WDR64: variants seen among roughly 807,000 people sequenced by gnomAD.
The protein encoded by WDR64 is WD repeat-containing protein 64.
In WDR64, 112 loss-of-function variants were observed where a neutral mutation model predicts 139.3. The ratio of observed to expected loss-of-function variants is 0.80; its 90% CI spans 0.69 to 0.94. WDR64 has a LOEUF of 0.94. Ranked by LOEUF, WDR64 falls within the 40% of genes least tolerant of loss-of-function variation. WDR64 has a pLI of 0.00. For missense variants in WDR64, 1,206 were observed against 1,293.1 expected, an observed-to-expected ratio of 0.93 and a Z score of 1.03; for synonymous variants, 444 against 437.7, an observed-to-expected ratio of 1.01 and a Z score of -0.18.
At chr1:241,728,034 G>A (rs748136516) in intron 10 of WDR64, among the ~76,000 whole-genome samples, 2 of 151,096 alleles carry the variant, frequency 1.3e-5, no homozygotes, top group Admixed American at 1.3e-4. Context: ...AATTTAGGCA[G>A]AAAGAAGAGC....
intron 22 of WDR64, among the ~76,000 whole-genome samples, chr1:241,780,501 T>C (rs139054604): frequency 6.6e-5 from 10 of 152,332 alleles, no homozygotes; most frequent in African/African-American, 2.4e-4. Context: ...AAGCACATTT[T>C]ATTCTATTTT....
chr1:241,652,737 G>A, intron 1 of WDR64, 108 bp downstream of exon 1: 2 of 1,331,128 alleles, frequency 1.5e-6, no homozygotes, highest in Non-Finnish European at 1.0e-6. Context: ...AAGAATGGGT[G>A]CTGAAAGGGG....
chr1:241,673,956 G>A, intron 3 of WDR64, among the ~76,000 whole-genome samples: 1 of 152,034 alleles, frequency 6.6e-6, no homozygotes, highest in East Asian at 1.9e-4. Context: ...TCAAAGAAAG[G>A]AGTCCTAAAA....
At chr1:241,796,713 C>T (rs1331008213) in intron 27 of WDR64, among the ~76,000 whole-genome samples, 1 of 152,088 alleles carries the variant, frequency 6.6e-6, no homozygotes, top group African/African-American at 2.4e-5. Context: ...AGGCTGGTCT[C>T]GAACTCCTGA....
chr1:241,684,037 G>A (rs912105098), intron 7 of WDR64, among the ~76,000 whole-genome samples: 1 of 151,996 alleles, frequency 6.6e-6, no homozygotes, highest in Admixed American at 6.6e-5. Context: ...AACTATAAAA[G>A]ATACATGTGA....
chr1:241,789,212 G>C (rs945782480), intron 24 of WDR64, among the ~76,000 whole-genome samples: 3 of 152,108 alleles, frequency 2.0e-5, no homozygotes, highest in African/African-American at 7.2e-5. Flanking sequence ...CAGCTTTAGC[G>C]TAGGACACGT....
chr1:241,695,921 C>G (rs1409226089), intron 8 of WDR64, among the ~76,000 whole-genome samples: 1 of 151,708 alleles, frequency 6.6e-6, no homozygotes, highest in East Asian at 1.9e-4. Context: ...CAAGACCAGC[C>G]TGGGCAACAT....
At chr1:241,771,818 A>G in intron 19 of WDR64, 121 bp downstream of exon 19, 1 of 369,428 alleles carries the variant, frequency 2.7e-6, no homozygotes, top group Non-Finnish European at 4.4e-6. Context: ...CATTATATAT[A>G]TTCATATACA....
intron 11 of WDR64, 87 bp downstream of exon 11, chr1:241,738,576 G>C: frequency 1.5e-6 from 2 of 1,377,504 alleles, no homozygotes; most frequent in Non-Finnish European, 1.9e-6. Context: ...TAACTACAAG[G>C]AAAACAAAAC....
intron 23 of WDR64, among the ~76,000 whole-genome samples, chr1:241,786,573 A>G (rs1434481590): frequency 6.6e-6 from 1 of 152,174 alleles, no homozygotes; most frequent in Non-Finnish European, 1.5e-5. Flanking sequence ...TTCAGAACTC[A>G]GTTGTAAAAA....
Position 241,741,758 on chromosome 1 carries a change from A to G in WDR64, c.1470+94A>G. ...AATCATTGAGTGATTAAGCAAATGT[A>G]GCGGCACATACGATGAGACCATACA... is the stretch of plus-strand genomic sequence containing the variant. On this transcript the variant is annotated intron_variant, in intron 12 of 27. Transcript: ENST00000437684. 2.4e-6 allele frequency: 3 copies of G among 1,272,916 alleles called. No homozygotes were observed. In the South Asian group the frequency reaches 4.8e-5, roughly 21 times the overall value. 78.9% of individuals were successfully genotyped at this position (1,272,916 alleles called of 1,614,324 possible). A position where few individuals can be genotyped will look rare whatever the true frequency, so the allele number is the denominator to read the frequency against.
chr1:241,683,753 C>A, intron 7 of WDR64, 52 bp downstream of exon 7: 5 of 1,345,618 alleles, frequency 3.7e-6, no homozygotes, highest in South Asian at 1.7e-5. Context: ...TAGTCTTTTG[C>A]AAGTAAGCTT....
intron 10 of WDR64, among the ~76,000 whole-genome samples, chr1:241,734,788 G>GTA (rs1252772766): frequency 6.6e-6 from 1 of 151,964 alleles, no homozygotes; most frequent in Non-Finnish European, 1.5e-5. Flanking sequence ...GCATAACCAC[G>GTA]TTTCTGTCAA....
chr1:241,708,150 G>A (rs1042117210), intron 8 of WDR64, among the ~76,000 whole-genome samples: 17 of 152,136 alleles, frequency 1.1e-4, no homozygotes, highest in South Asian at 2.1e-4. Context: ...TACTCCAGGG[G>A]GTATGCAAGA....
chr1:241,754,306 CTT>C (rs1670092215), intron 14 of WDR64, among the ~76,000 whole-genome samples: 1 of 135,812 alleles, frequency 7.4e-6, no homozygotes, highest in Non-Finnish European at 1.5e-5. Context: ...GTTTTTTTTC[CTT>C]TTTTTCTTTT....
intron 14 of WDR64, 42 bp downstream of exon 14, chr1:241,749,764 T>TA (rs1669911543): frequency 1.9e-6 from 3 of 1,599,516 alleles, no homozygotes; most frequent in Non-Finnish European, 2.6e-6. Context: ...GGTGCCCTTT[T>TA]TGGGAAAATC....
intron 8 of WDR64, among the ~76,000 whole-genome samples, chr1:241,706,827 A>G (rs1449326528): frequency 6.6e-6 from 1 of 152,214 alleles, no homozygotes; most frequent in East Asian, 1.9e-4. Context: ...GTATTTTAAC[A>G]AATTTTATTT....
rs74803056 is a variant in WDR64 at position 241,767,858 on chromosome 1, C to A, written c.2081+1507C>A. Among the ~76,000 whole-genome samples the A allele has an allele frequency of 2.7e-3, 408 of 152,264 alleles. 4 individuals carry two copies. Among genetic ancestry groups the A allele is most frequent in the Non-Finnish European group, 4.4e-3 (299 of 68,028 alleles). On this transcript the variant is annotated intron_variant, in intron 16 of 27. Coordinates refer to ENST00000437684, the MANE Select transcript of WDR64 (RefSeq NM_001367482.1). ...TCAGTCCACATACTCCTGGATCCTG[C>A]CCCTGGAATTCCTGTCATCCTTCTG...
intron 8 of WDR64, among the ~76,000 whole-genome samples, chr1:241,696,802 A>G (rs1431689853): frequency 6.6e-6 from 1 of 152,076 alleles, no homozygotes; most frequent in African/African-American, 2.4e-5. Flanking sequence ...CTGTTTTATG[A>G]GCAAGGTCTT....
Sources: gnomAD v4.1 joint callset for allele counts (sites outside exome capture counted in the v4.1 genomes callset) on GRCh38, gnomAD v4.1.1 for gene constraint, MANE v1.5 for transcripts, NCBI Gene and HGNC (gene_info 2026-07-23, HGNC 2026-07-21) for gene names.